The following GDA variants were observed in gnomAD, a reference collection of about 807,000 sequenced individuals.
The protein encoded by GDA is cytoplasmic PSD-95 interactor.
Under a neutral mutation model 59.6 loss-of-function variants are expected in GDA, and 18 were observed. The observed-to-expected ratio is 0.30, with a 90% CI of 0.21 to 0.45. GDA has a LOEUF of 0.45. Among genes scored for constraint, GDA ranks in the 20% least tolerant of loss-of-function variants. GDA has a pLI of 1.00. For synonymous variants in GDA, 201 were observed against 201.1 expected, an observed-to-expected ratio of 1.00 and a Z score of 0.00; for missense variants, 427 against 552.3, an observed-to-expected ratio of 0.77 and a Z score of 2.27.
chr9:72,223,824 A>T (rs989273538), intron 7 of GDA, among the ~76,000 whole-genome samples: 1 of 152,194 alleles, frequency 6.6e-6, no homozygotes, highest in African/African-American at 2.4e-5. Context: ...CCCTTCTCCC[A>T]TCCAAGCTTA....
At chr9:72,127,317 C>G (rs1434777362) in intron 1 of GDA, among the ~76,000 whole-genome samples, 1 of 151,826 alleles carries the variant, frequency 6.6e-6, no homozygotes, top group Non-Finnish European at 1.5e-5. Context: ...ATAAACAAAC[C>G]AAAACAGAAC....
intron 1 of GDA, among the ~76,000 whole-genome samples, chr9:72,170,186 C>A (rs894261954): frequency 2.0e-5 from 3 of 152,178 alleles, no homozygotes; most frequent in Non-Finnish European, 4.4e-5. Context: ...GAATGCTGTG[C>A]TTATGAAAAC....
intron 1 of GDA, among the ~76,000 whole-genome samples, chr9:72,168,367 T>C (rs191280238): frequency 6.8e-6 from 1 of 146,950 alleles, no homozygotes; most frequent in Admixed American, 6.8e-5. Context: ...CACTCCAAAC[T>C]GGGCAACACA....
At chr9:72,135,425 T>C (rs1826185505) in intron 1 of GDA, among the ~76,000 whole-genome samples, 1 of 152,166 alleles carries the variant, frequency 6.6e-6, no homozygotes. Context: ...AAGTGGGATT[T>C]AAGATGATGC....
intron 1 of GDA, among the ~76,000 whole-genome samples, chr9:72,123,482 C>CTTTTTT (rs11357949): frequency 2.6e-5 from 2 of 76,646 alleles, no homozygotes; most frequent in Non-Finnish European, 5.0e-5. Flanking sequence ...CATGCCCGGC[C>CTTTTTT]TTTTTTTTTT....
At chr9:72,213,802 C>CAA (rs200145454) in intron 4 of GDA, 84 bp from the exon 5 acceptor site, 1,909 of 613,280 alleles carry the variant, frequency 3.1e-3, no homozygotes, top group African/African-American at 4.5e-3. Context: ...GACTCCGTCT[C>CAA]AAAAAAAAAA....
chr9:72,126,404 A>T (rs568820477), intron 1 of GDA, among the ~76,000 whole-genome samples: 13 of 152,154 alleles, frequency 8.5e-5, no homozygotes, highest in African/African-American at 2.9e-4. Context: ...CAACTCACAG[A>T]CTTGCCAGAT....
At position 72,249,913 on chromosome 9, in the gene GDA, GT is replaced by G. The variant is rs1484470222; in HGVS notation, c.*1577del. 1 of 960,954 alleles carries G rather than the reference GT, an allele frequency of 1.0e-6. No homozygotes were observed. The highest frequency in any genetic ancestry group is 1.2e-6 in the Non-Finnish European group (1 of 807,836). The allele number at this position is 960,954 out of a possible 1,614,324, so 59.5% of individuals were successfully genotyped here. ...AGCTAATTTAGCAGTAATTGGCCCAGTTTTTTCCCTAATAGAAATACTTTTA... is the reference window on the plus strand; with the variant it reads ...AGCTAATTTAGCAGTAATTGGCCCAGTTTTTCCCTAATAGAAATACTTTTA... On this transcript the variant is annotated 3_prime_UTR_variant, in exon 14 of 14. Transcript: ENST00000358399.
At chr9:72,216,573 A>G (rs1836143681) in intron 5 of GDA, among the ~76,000 whole-genome samples, 1 of 152,252 alleles carries the variant, frequency 6.6e-6, no homozygotes, top group African/African-American at 2.4e-5. Context: ...AACCAAACAC[A>G]AAAGGCCACA....
intron 1 of GDA, among the ~76,000 whole-genome samples, chr9:72,194,756 A>C (rs1832948469): frequency 6.6e-6 from 1 of 152,192 alleles, no homozygotes; most frequent in Non-Finnish European, 1.5e-5. Flanking sequence ...GCCTCTGGGC[A>C]CTTTAGCCCA....
rs1232186269 is a variant in GDA at position 72,210,458 on chromosome 9, C to G, written c.385-229C>G. Among the ~76,000 whole-genome samples the G allele has an allele frequency of 2.6e-5, 4 of 152,102 alleles. No individual in the cohort carries two copies. The East Asian group carries it at 7.7e-4, about 29-fold the overall frequency. On this transcript the variant is annotated intron_variant, in intron 3 of 13. Coordinates refer to ENST00000358399, the MANE Select transcript of GDA (RefSeq NM_004293.5). ...TATCACATTTTAATGAATTCTGAAG[C>G]ACAGAACTGTGTGAATCGAGAAAAA...
intron 1 of GDA, among the ~76,000 whole-genome samples, chr9:72,124,136 A>G (rs1780025262): frequency 6.6e-6 from 1 of 152,174 alleles, no homozygotes; most frequent in South Asian, 2.1e-4. Context: ...GAAAACATGG[A>G]AAAGAAAAGA....
In GDA at chr9:72,250,631, T is replaced by C; in HGVS notation, c.*2289T>C. 6.3e-7 allele frequency: 1 copy of C among 1,591,132 alleles called. No individual in the cohort carries two copies. Among genetic ancestry groups the C allele is most frequent in the Non-Finnish European group, 8.5e-7 (1 of 1,172,180 alleles). ...ATTATCTATACCTGGGGCCAGATTTTCTGCACTTTGAAATGTTGCCTTTGC... is the reference window on the plus strand; with the variant it reads ...ATTATCTATACCTGGGGCCAGATTTCCTGCACTTTGAAATGTTGCCTTTGC... On this transcript the variant is annotated 3_prime_UTR_variant, in exon 14 of 14. Coordinates refer to ENST00000358399, the MANE Select transcript of GDA (RefSeq NM_004293.5).
intron 2 of GDA, among the ~76,000 whole-genome samples, chr9:72,199,485 A>T (rs544960403): frequency 6.6e-6 from 1 of 152,220 alleles, no homozygotes; most frequent in Admixed American, 6.5e-5. Flanking sequence ...TACAATGAAC[A>T]TGCTCATTTC....
At chr9:72,226,331 G>A (rs991653417) in intron 8 of GDA, among the ~76,000 whole-genome samples, 1 of 152,130 alleles carries the variant, frequency 6.6e-6, no homozygotes, top group Admixed American at 6.6e-5. Flanking sequence ...AAGGAAGAAT[G>A]TTTGTGTAAT....
At chr9:72,125,543 T>C (rs1825816104) in intron 1 of GDA, among the ~76,000 whole-genome samples, 1 of 152,124 alleles carries the variant, frequency 6.6e-6, no homozygotes, top group Admixed American at 6.6e-5. Flanking sequence ...AAAAATAACA[T>C]TTTATAGGCA....
At chr9:72,186,753 T>C (rs1243121441) in intron 1 of GDA, among the ~76,000 whole-genome samples, 1 of 152,210 alleles carries the variant, frequency 6.6e-6, no homozygotes, top group Non-Finnish European at 1.5e-5. Context: ...GCTTTTTGCC[T>C]CTTTGCTGCT....
At chr9:72,246,736 A>T (rs547846400) in intron 12 of GDA, among the ~76,000 whole-genome samples, 1 of 151,666 alleles carries the variant, frequency 6.6e-6, no homozygotes, top group Admixed American at 6.6e-5. Context: ...GGGTAAGGGG[A>T]GGGTCAGAGT....
chr9:72,236,341 A>C (rs1364411928), intron 10 of GDA, among the ~76,000 whole-genome samples: 1 of 152,214 alleles, frequency 6.6e-6, no homozygotes, highest in African/African-American at 2.4e-5. Context: ...GACAGTTATT[A>C]GTCTGTAATA....
Sources: gnomAD v4.1 joint callset for allele counts (sites outside exome capture counted in the v4.1 genomes callset) on GRCh38, gnomAD v4.1.1 for gene constraint, MANE v1.5 for transcripts, NCBI Gene and HGNC (gene_info 2026-07-23, HGNC 2026-07-21) for gene names.